TMTC1: variants seen among roughly 807,000 people sequenced by gnomAD.
TMTC1 encodes transmembrane O-mannosyltransferase targeting cadherins 1, also known as protein O-mannosyl-transferase TMTC1.
A neutral mutation model predicts 104.8 loss-of-function variants in TMTC1; 73 were observed. The observed-to-expected ratio is 0.70, with a 90% CI of 0.58 to 0.85. The LOEUF is 0.85. TMTC1 is among the 40% of genes least tolerant of loss of function. The pLI, the probability that TMTC1 is intolerant of heterozygous loss-of-function variation, is 0.00. For synonymous variants in TMTC1, 434 were observed against 428.7 expected, an observed-to-expected ratio of 1.01 and a Z score of -0.15; for missense variants, 1,035 against 1,096.1, an observed-to-expected ratio of 0.94 and a Z score of 0.79.
chr12:29,650,130 C>G (rs1279367450), intron 5 of TMTC1, among the ~76,000 whole-genome samples: 5 of 150,522 alleles, frequency 3.3e-5, no homozygotes, highest in Non-Finnish European at 5.9e-5. Flanking sequence ...GTTGCCCAGG[C>G]TGAAGTGCAG....
intron 4 of TMTC1, among the ~76,000 whole-genome samples, chr12:29,753,437 C>G (rs990855187): frequency 2.6e-5 from 4 of 152,228 alleles, no homozygotes; most frequent in African/African-American, 9.6e-5. Flanking sequence ...CCCTGTGAAT[C>G]TGGAGCCACG....
At chr12:29,560,548 C>T (rs573566353) in intron 9 of TMTC1, among the ~76,000 whole-genome samples, 5 of 151,990 alleles carry the variant, frequency 3.3e-5, no homozygotes, top group East Asian at 1.9e-4. Flanking sequence ...CGCTTGAACT[C>T]GGCAGTTTGA....
chr12:29,766,848 C>G (rs938577244), intron 2 of TMTC1, among the ~76,000 whole-genome samples: 1 of 152,066 alleles, frequency 6.6e-6, no homozygotes, highest in African/African-American at 2.4e-5. Flanking sequence ...GCACATCAAA[C>G]AAACCAGTTG....
intron 7 of TMTC1, among the ~76,000 whole-genome samples, chr12:29,597,469 C>CA (rs1357862866): frequency 3.3e-5 from 5 of 151,806 alleles, no homozygotes; most frequent in African/African-American, 1.2e-4. Flanking sequence ...GCTTCCTGAC[C>CA]ACTTTTGTAG....
chr12:29,531,884 C>T (rs2136190785), intron 11 of TMTC1, among the ~76,000 whole-genome samples: 1 of 152,250 alleles, frequency 6.6e-6, no homozygotes, highest in Middle Eastern at 3.4e-3. Flanking sequence ...ACCTCATTAA[C>T]TATGGCCCAT....
At chr12:29,601,982 C>A (rs963267143) in intron 7 of TMTC1, among the ~76,000 whole-genome samples, 1 of 151,554 alleles carries the variant, frequency 6.6e-6, no homozygotes, top group Non-Finnish European at 1.5e-5. Flanking sequence ...ACTACAGGCG[C>A]CCGCCACCGT....
chr12:29,678,496 T>C (rs1446953021), intron 5 of TMTC1, among the ~76,000 whole-genome samples: 1 of 152,174 alleles, frequency 6.6e-6, no homozygotes, highest in African/African-American at 2.4e-5. Flanking sequence ...CCTCCAGCCA[T>C]TGTTTGAAGA....
At position 29,527,048 on chromosome 12, in the gene TMTC1, T is replaced by C. The variant is rs557727563; in HGVS notation, c.1786-6328A>G. Among the ~76,000 whole-genome samples the C allele has an allele frequency of 7.2e-5, 11 of 152,304 alleles. No homozygotes were observed. The South Asian group carries it at 2.3e-3, about 32-fold the overall frequency. On this transcript the variant is annotated intron_variant, in intron 11 of 17. Transcript: ENST00000539277. The stretch of plus-strand genomic sequence containing the variant: ...GCCTCTGCAGAGTGTCTCAAGTTAG[T>C]TGAGGTCAAAAAGACTTCATTTCCA...
At chr12:29,516,264 T>G in intron 15 of TMTC1, 85 bp downstream of exon 15, 1 of 1,493,086 alleles carries the variant, frequency 6.7e-7, no homozygotes, top group Non-Finnish European at 9.0e-7. Context: ...CCCAGGCTTA[T>G]AAACACGCAA....
chr12:29,638,137 T>G (rs1490510674), intron 5 of TMTC1, among the ~76,000 whole-genome samples: 1 of 152,010 alleles, frequency 6.6e-6, no homozygotes, highest in Non-Finnish European at 1.5e-5. Flanking sequence ...CGGACCTAAG[T>G]GAGAACAGGC....
At chr12:29,613,522 C>T (rs1946899985) in intron 6 of TMTC1, among the ~76,000 whole-genome samples, 1 of 152,148 alleles carries the variant, frequency 6.6e-6, no homozygotes, top group Admixed American at 6.5e-5. Context: ...GCCACAGAAT[C>T]CTAGGTCAAG....
At chr12:29,687,879 C>T (rs1941144964) in intron 5 of TMTC1, among the ~76,000 whole-genome samples, 2 of 152,010 alleles carry the variant, frequency 1.3e-5, no homozygotes, top group Admixed American at 6.6e-5. Flanking sequence ...AGCAGGACAC[C>T]AGTCATATTG....
intron 5 of TMTC1, among the ~76,000 whole-genome samples, chr12:29,695,825 ATAT>A (rs1565775701): frequency 0.012 from 1,194 of 98,994 alleles, 24 homozygotes; most frequent in African/African-American, 0.04. Flanking sequence ...ATATATATAT[ATAT>A]AACCTGTCTT....
At chr12:29,536,462 T>C (rs1014031442) in intron 10 of TMTC1, 145 bp from the exon 11 acceptor site, 5 of 620,680 alleles carry the variant, frequency 8.1e-6, no homozygotes, top group East Asian at 5.7e-5. Context: ...TTAAACTACA[T>C]TGTCTCAAGG....
intron 11 of TMTC1, chr12:29,534,479 A>G (rs1234935180): frequency 2.0e-5 from 3 of 152,262 alleles, no homozygotes; most frequent in Non-Finnish European, 4.4e-5. Flanking sequence ...TGTTCTTAAC[A>G]ATTGTTCACA....
rs1442742051 is a variant in TMTC1, at chr12:29,783,559, G to A, written c.193C>T (p.Pro65Ser). The A allele has an allele frequency of 5.4e-6, 8 of 1,477,210 alleles. No homozygotes were observed. In the African/African-American group the frequency reaches 1.2e-4, roughly 21 times the overall value. The allele number at this position is 1,477,210 out of a possible 1,614,324, so 91.5% of individuals were successfully genotyped here. A position where few individuals can be genotyped will look rare whatever the true frequency, so the allele number is the denominator to read the frequency against. The change falls in exon 1 of 18, where the codon CCC (proline) becomes TCC (serine). Residue 65 changes from proline to serine, a missense_variant. Coordinates refer to ENST00000539277, the MANE Select transcript of TMTC1 (RefSeq NM_001193451.2). This position sits in a 1 kb window ranked among gnomAD's most constrained non-coding sequence, Gnocchi z 4.7. ...WAIVNNPDVR[P>S]GAPLRWGIFT... is the part of the protein sequence containing the mutation. ...ATGCCCCAGCGGAGCGGGGCGCCGG[G>A]CCGCACGTCGGGGTTGTTCACGATC...
chr12:29,617,721 G>A (rs1404721544), intron 6 of TMTC1, among the ~76,000 whole-genome samples: 3 of 152,140 alleles, frequency 2.0e-5, no homozygotes, highest in African/African-American at 7.2e-5. Flanking sequence ...GCACTGAGAA[G>A]GTGGCAATCA....
chr12:29,664,053 G>A (rs938130182), intron 5 of TMTC1, among the ~76,000 whole-genome samples: 17 of 150,680 alleles, frequency 1.1e-4, no homozygotes, highest in African/African-American at 3.4e-4. Flanking sequence ...CGGGCGTAGT[G>A]GCGGGCGCCT....
chr12:29,582,177 CATT>C (rs755064855), intron 8 of TMTC1, among the ~76,000 whole-genome samples: 2 of 152,182 alleles, frequency 1.3e-5, no homozygotes, highest in African/African-American at 2.4e-5. Context: ...AAATCAAACA[CATT>C]ATTTTAAAAT....
Sources: allele counts gnomAD v4.1 joint callset (sites outside exome capture counted in the v4.1 genomes callset), GRCh38; gene constraint gnomAD v4.1.1; non-coding constraint Gnocchi (gnomAD v3.1); transcripts MANE v1.5; gene names NCBI Gene and HGNC (gene_info 2026-07-23, HGNC 2026-07-21).